PRKCA: variants seen among roughly 807,000 people sequenced by gnomAD.
PRKCA encodes the protein protein kinase C alpha type.
PRKCA carries 27 observed loss-of-function variants against 87.0 expected under a neutral mutation model. That is an observed-to-expected ratio of 0.31 (90% CI 0.23 to 0.43). The LOEUF is 0.43. Ranked by LOEUF, PRKCA falls within the 20% of genes least tolerant of loss-of-function variation. PRKCA has a pLI of 1.00. For missense variants in PRKCA, 518 were observed against 852.3 expected (o/e 0.61, Z 4.88); for synonymous variants, 329 against 311.1 (o/e 1.06, Z -0.61).
intron 5 of PRKCA, among the ~76,000 whole-genome samples, chr17:66,653,201 A>G (rs1312966971): frequency 3.9e-5 from 6 of 152,246 alleles, no homozygotes; most frequent in Non-Finnish European, 7.3e-5. Context: ...CTATGTCCCC[A>G]AGAGCTTGTA....
intron 3 of PRKCA, among the ~76,000 whole-genome samples, chr17:66,528,129 A>T (rs1322392693): frequency 1.3e-5 from 2 of 150,718 alleles, no homozygotes; most frequent in Non-Finnish European, 2.9e-5. Context: ...GAGGCAGGAG[A>T]ATTGCTTGAA....
At chr17:66,337,291 G>A (rs191832209) in intron 2 of PRKCA, among the ~76,000 whole-genome samples, 3 of 152,306 alleles carry the variant, frequency 2.0e-5, no homozygotes, top group African/African-American at 7.2e-5. Flanking sequence ...GCTAAGGACA[G>A]TGACCTTCTC....
chr17:66,395,110 A>G (rs1007175631), intron 2 of PRKCA, among the ~76,000 whole-genome samples: 4 of 152,234 alleles, frequency 2.6e-5, no homozygotes, highest in East Asian at 1.9e-4. Context: ...TTCTCTCACT[A>G]TGATTTAAAT....
intron 13 of PRKCA, among the ~76,000 whole-genome samples, chr17:66,750,669 G>GA (rs1794181033): frequency 6.6e-6 from 1 of 152,144 alleles, no homozygotes; most frequent in South Asian, 2.1e-4. Context: ...CCTCCCTCCA[G>GA]AAGTAACCAG....
chr17:66,781,921 TGA>T (rs1975240393), intron 14 of PRKCA, among the ~76,000 whole-genome samples: 9 of 147,988 alleles, frequency 6.1e-5, no homozygotes, highest in African/African-American at 1.3e-4. Context: ...TGTGTGTGAG[TGA>T]GTGTGAGTGT....
chr17:66,609,910 G>A lies in PRKCA; in HGVS notation c.289-31445G>A, dbSNP rs187356049. Among the ~76,000 whole-genome samples the A allele has an allele frequency of 8.0e-3, 1,214 of 152,186 alleles. 7 individuals are homozygous for A. The highest frequency in any genetic ancestry group is 0.013 in the Non-Finnish European group (884 of 68,018). ...GCTTCTGGTCACCAAAATGTGGAGA[G>A]ATGTTGCCCCCCACCCACACACAAA... On this transcript the variant is annotated intron_variant, in intron 3 of 16. Transcript: ENST00000413366.
At chr17:66,721,144 C>G (rs1973604497) in intron 8 of PRKCA, among the ~76,000 whole-genome samples, 2 of 152,062 alleles carry the variant, frequency 1.3e-5, no homozygotes, top group Admixed American at 6.6e-5. Context: ...CACCTGTAAT[C>G]CCAGCACTTT....
chr17:66,767,715 C>T (rs1163451185), intron 13 of PRKCA, among the ~76,000 whole-genome samples: 1 of 152,094 alleles, frequency 6.6e-6, no homozygotes. Flanking sequence ...CCCCTAGAAT[C>T]ACAGTGACAG....
At chr17:66,588,636 T>C (rs1185453983) in intron 3 of PRKCA, among the ~76,000 whole-genome samples, 2 of 25,952 alleles carry the variant, frequency 7.7e-5, no homozygotes, top group Admixed American at 4.2e-4. Flanking sequence ...TTTGCTTTGC[T>C]TTTTTTTTTT....
chr17:66,652,755 G>A (rs1199352792), intron 5 of PRKCA, among the ~76,000 whole-genome samples: 1 of 152,174 alleles, frequency 6.6e-6, no homozygotes, highest in Non-Finnish European at 1.5e-5. Flanking sequence ...AATGTACTCT[G>A]TAGAGGTCAT....
chr17:66,747,740 T>C (rs921609653), intron 13 of PRKCA, among the ~76,000 whole-genome samples: 1 of 152,256 alleles, frequency 6.6e-6, no homozygotes, highest in Non-Finnish European at 1.5e-5. Flanking sequence ...ATCAGGGACC[T>C]GAGTCATGAT....
Position 66,527,583 on chromosome 17 carries a change from A to G in PRKCA, c.288+31300A>G, listed in dbSNP as rs563649064. Among the ~76,000 whole-genome samples the G allele has an allele frequency of 3.7e-4, 57 of 152,338 alleles. 1 individual carries two copies. The South Asian group carries it at 0.011, about 30-fold the overall frequency. ...TCCGCTCTGCCTGCCTCCCATGAGA[A>G]ATGCCGCAGACCTTTGTCTGCTCAA... On this transcript the variant is annotated intron_variant, in intron 3 of 16. Coordinates refer to ENST00000413366, the MANE Select transcript of PRKCA (RefSeq NM_002737.3).
chr17:66,621,236 G>C (rs995176730), intron 3 of PRKCA, among the ~76,000 whole-genome samples: 1 of 152,122 alleles, frequency 6.6e-6, no homozygotes, highest in African/African-American at 2.4e-5. Context: ...AGAAAGGCTA[G>C]GTGTTTGATT....
Position 66,772,029 on chromosome 17 carries a change from A to G in PRKCA, c.1525-1958A>G, listed in dbSNP as rs530384396. On this transcript the variant is annotated intron_variant, in intron 13 of 16. Coordinates refer to ENST00000413366, the MANE Select transcript of PRKCA (RefSeq NM_002737.3). ...GTTTTACCTGGTAATGGAAAATATA[A>G]TGACATTGGTATCAGGGAGATAAAT... Among the ~76,000 whole-genome samples, 5 of 152,336 alleles carry G rather than the reference A, an allele frequency of 3.3e-5. No individual in the cohort carries two copies. In the South Asian group the frequency reaches 1.0e-3, roughly 32 times the overall value.
At chr17:66,713,396 G>C (rs1314331096) in intron 8 of PRKCA, among the ~76,000 whole-genome samples, 1 of 152,018 alleles carries the variant, frequency 6.6e-6, no homozygotes. Context: ...GGGAGACCCC[G>C]GTTGTACATT....
At chr17:66,496,141 A>C in intron 2 of PRKCA, 60 bp from the exon 3 acceptor site, 1 of 1,359,642 alleles carries the variant, frequency 7.4e-7, no homozygotes, top group East Asian at 2.3e-5. Flanking sequence ...CTGTTTGGAA[A>C]ATAAAGCTCG....
intron 3 of PRKCA, among the ~76,000 whole-genome samples, chr17:66,536,174 C>T (rs1238955036): frequency 6.6e-6 from 1 of 152,192 alleles, no homozygotes; most frequent in African/African-American, 2.4e-5. Flanking sequence ...TGATCACAGT[C>T]CCAAATGACA....
intron 8 of PRKCA, among the ~76,000 whole-genome samples, chr17:66,731,540 C>T (rs1356843449): frequency 2.6e-5 from 4 of 151,916 alleles, no homozygotes; most frequent in Non-Finnish European, 5.9e-5. Context: ...AGACTCAGCC[C>T]ACTCCAGGCT....
chr17:66,489,137 C>A (rs1265971734), intron 2 of PRKCA, among the ~76,000 whole-genome samples: 1 of 151,886 alleles, frequency 6.6e-6, no homozygotes, highest in East Asian at 1.9e-4. Context: ...GTCTTCTCTT[C>A]TAAGCAAAGT....
Sources: allele counts gnomAD v4.1 joint callset (sites outside exome capture counted in the v4.1 genomes callset), GRCh38; gene constraint gnomAD v4.1.1; transcripts MANE v1.5; gene names NCBI Gene and HGNC (gene_info 2026-07-23, HGNC 2026-07-21).